ZDHHC8: variants seen among roughly 807,000 people sequenced by gnomAD.
The protein encoded by ZDHHC8 is zDHHC palmitoyltransferase 8.
Under a neutral mutation model 61.2 loss-of-function variants are expected in ZDHHC8, and 24 were observed. The ratio of observed to expected loss-of-function variants is 0.39; its 90% CI spans 0.28 to 0.55. ZDHHC8 has a LOEUF of 0.55. Ranked by LOEUF, ZDHHC8 falls within the 20% of genes least tolerant of loss-of-function variation. The pLI, the probability that ZDHHC8 is intolerant of heterozygous loss-of-function variation, is 0.60. For synonymous variants in ZDHHC8, 523 were observed against 492.5 expected, an observed-to-expected ratio of 1.06 and a Z score of -0.82; for missense variants, 935 against 1,102.1, an observed-to-expected ratio of 0.85 and a Z score of 2.15.
chr22:20,141,327 A>G lies in ZDHHC8; in HGVS notation c.1005A>G (p.Pro335=), dbSNP rs772945335. The G allele has an allele frequency of 1.9e-6, 3 of 1,612,420 alleles. No individual in the cohort carries two copies. Among genetic ancestry groups the G allele is most frequent in the Non-Finnish European group, 2.5e-6 (3 of 1,179,654 alleles). The change falls in exon 8 of 11, where the codon CCA becomes CCG. Residue 335 remains proline, a synonymous_variant. Transcript: ENST00000334554. ...TFSSDLQTPR[P]GSAESALSVQ... ...GCAGTGACCTGCAGACCCCGCGCCCAGGCAGTGCTGGTGAGGTTGGGGCAG... is the reference window on the plus strand; with the variant it reads ...GCAGTGACCTGCAGACCCCGCGCCCGGGCAGTGCTGGTGAGGTTGGGGCAG...
intron 1 of ZDHHC8, among the ~76,000 whole-genome samples, chr22:20,133,098 G>T (rs2050391672): frequency 6.6e-6 from 1 of 152,258 alleles, no homozygotes; most frequent in Admixed American, 6.5e-5. Context: ...GCTGAATCGG[G>T]TGCCCGTGGA....
intron 1 of ZDHHC8, among the ~76,000 whole-genome samples, chr22:20,135,456 A>G (rs896779550): frequency 1.3e-5 from 2 of 152,222 alleles, no homozygotes; most frequent in Non-Finnish European, 2.9e-5. Context: ...GCAGGCTGCC[A>G]GTGCCTGGGG....
chr22:20,132,066 C>A lies in ZDHHC8; in HGVS notation c.104+15C>A. On this transcript the variant is annotated intron_variant, in intron 1 of 10. Coordinates refer to ENST00000334554, the MANE Select transcript of ZDHHC8 (RefSeq NM_013373.4). ...TTCGTGTTCACGTGAGTCGGCGCCG[C>A]GTCTGGGGGCACGCGGGCAGCGATG... The A allele has an allele frequency of 7.9e-7, 1 of 1,271,942 alleles. No homozygotes were observed. The highest frequency in any genetic ancestry group is 1.8e-5 in the South Asian group (1 of 56,276). 78.8% of individuals were successfully genotyped at this position (1,271,942 alleles called of 1,614,324 possible).
rs1325592971 is a variant in ZDHHC8, at chr22:20,142,742, C to T, written c.1126-14C>T. ...TGGCAGGTGGGCAGTGGTGAGAATG[C>T]CTTCTCCCTACAGGTTCCAGGCCCT... is the stretch of plus-strand genomic sequence containing the variant. On this transcript the variant is annotated splice_polypyrimidine_tract_variant and intron_variant, in intron 9 of 10. Transcript: ENST00000334554. The T allele has an allele frequency of 6.2e-7, 1 of 1,611,826 alleles. No individual in the cohort carries two copies. The highest frequency in any genetic ancestry group is 8.5e-7 in the Non-Finnish European group (1 of 1,179,814).
At chr22:20,132,147 C>G (rs1357841888) in intron 1 of ZDHHC8, 96 bp downstream of exon 1, 1 of 771,930 alleles carries the variant, frequency 1.3e-6, no homozygotes. Context: ...CTGGCGGGGC[C>G]CCGGGCAGTG....
In ZDHHC8 at chr22:20,139,198, C is replaced by T. The variant is rs2050445727; in HGVS notation, c.109C>T (p.Pro37Ser). Reference sequence around the variant, plus strand: ...TGCCCCCACTGTCTACTGCAGGTGCCCGTGGTTGACACGAGCTGTGTCCCC... The same window carrying T: ...TGCCCCCACTGTCTACTGCAGGTGCTCGTGGTTGACACGAGCTGTGTCCCC... ...SSTLFFVFTC[P>S]WLTRAVSPAV... Residue 37 changes from proline (P) to serine (S), a missense_variant, in exon 2 of 11, where the codon CCG (proline) becomes TCG (serine). Pro to Ser is a moderately conservative substitution (Grantham distance 74). Around this residue, in one of 3 missense-constraint regions of ZDHHC8, gnomAD observed 199 missense variants for 334.0 expected, o/e 0.60. Transcript: ENST00000334554. 2 of 1,613,182 alleles carry T rather than the reference C, an allele frequency of 1.2e-6. No individual in the cohort carries two copies. The highest frequency in any genetic ancestry group is 1.7e-6 in the Non-Finnish European group (2 of 1,179,566).
Position 20,146,238 on chromosome 22 carries a change from T to C in ZDHHC8, c.*838T>C. The C allele has an allele frequency of 1.0e-6, 1 of 985,384 alleles. No homozygotes were observed. The highest frequency in any genetic ancestry group is 1.2e-6 in the Non-Finnish European group (1 of 829,894). 61.0% of individuals were successfully genotyped at this position (985,384 alleles called of 1,614,324 possible). ...AGCCCTCAGGCCCTCCCTGCCAAAC[T>C]GGAGAACCCCACCCCAAGGCATGCC... On this transcript the variant is annotated 3_prime_UTR_variant, in exon 11 of 11. Transcript: ENST00000334554.
At position 20,143,644 on chromosome 22, in the gene ZDHHC8, G is replaced by T; in HGVS notation, c.2014G>T (p.Gly672Cys). 6.2e-7 allele frequency: 1 copy of T among 1,606,888 alleles called. No homozygotes were observed. The stretch of plus-strand genomic sequence containing the variant: ...CTCACACAGGTCACCTGCACGCCAG[G>T]GCCTGCCCTCCCCGCCCGGCACTCC... ...SGSHRSPARQ[G>C]LPSPPGTPHS... The change falls in exon 10 of 11, where the codon GGC (glycine) becomes TGC (cysteine). Residue 672 changes from glycine (G) to cysteine (C), a missense_variant. Around this residue, in one of 3 missense-constraint regions of ZDHHC8, gnomAD observed 692 missense variants for 731.4 expected, o/e 0.95. Transcript: ENST00000334554.
rs1174283950 is a variant in ZDHHC8 at position 20,143,183 on chromosome 22, C to T, written c.1553C>T (p.Pro518Leu). The T allele has an allele frequency of 2.5e-6, 4 of 1,610,044 alleles. No homozygotes were observed. The highest frequency in any genetic ancestry group is 1.1e-5 in the South Asian group (1 of 91,042). The change falls in exon 10 of 11, where the codon CCA (proline) becomes CTA (leucine). Residue 518 changes from proline to leucine, a missense_variant. By Grantham distance (98) the Pro-to-Leu change is moderately conservative. Around this residue, in one of 3 missense-constraint regions of ZDHHC8, gnomAD observed 692 missense variants for 731.4 expected, o/e 0.95. Transcript: ENST00000334554. ...YLHPGATGDP[P>L]RPLPRSFSPV... ...CATCCTGGGGCAACGGGCGACCCGC[C>T]ACGGCCCCTACCCCGCAGCTTCAGC...
chr22:20,132,881 TCCAGGC>T (rs2050389183), intron 1 of ZDHHC8, among the ~76,000 whole-genome samples: 1 of 152,190 alleles, frequency 6.6e-6, no homozygotes, highest in Non-Finnish European at 1.5e-5. Flanking sequence ...GGTTGGGGGC[TCCAGGC>T]TTCGGTTGCA....
rs1240066205 is a variant in ZDHHC8 at position 20,143,586 on chromosome 22, C to T, written c.1956C>T (p.Ser652=). The change falls in exon 10 of 11, where the codon AGC becomes AGT. Residue 652 remains serine (S), a synonymous_variant. Coordinates refer to ENST00000334554, the MANE Select transcript of ZDHHC8 (RefSeq NM_013373.4). ...CCTCCCTGCAGGCTGATCAGGCCAG[C>T]AGCAACGCCCCGGGGCCCCGGCCCA... The part of the protein sequence containing the change: ...SSSSLQADQA[S]SNAPGPRPSS... 3.1e-6 allele frequency: 5 copies of T among 1,600,368 alleles called. No homozygotes were observed.
At position 20,147,295 on chromosome 22, in the gene ZDHHC8, C is replaced by T; in HGVS notation, c.*1895C>T. On this transcript the variant is annotated 3_prime_UTR_variant, in exon 11 of 11. Coordinates refer to ENST00000334554, the MANE Select transcript of ZDHHC8 (RefSeq NM_013373.4). The stretch of plus-strand genomic sequence containing the variant: ...CCAGCTGGGGACCCAGGAGGTCAGA[C>T]TGCAGTGGACCCTGGGGCAGGGCTG... 3 of 1,371,298 alleles carry T rather than the reference C, an allele frequency of 2.2e-6. No homozygotes were observed. Among genetic ancestry groups the T allele is most frequent in the Non-Finnish European group, 1.9e-6 (2 of 1,052,992 alleles). 84.9% of individuals were successfully genotyped at this position (1,371,298 alleles called of 1,614,324 possible). A position where few individuals can be genotyped will look rare whatever the true frequency, so the allele number is the denominator to read the frequency against.
intron 4 of ZDHHC8, 54 bp downstream of exon 4, chr22:20,139,946 G>A (rs780351362): frequency 8.7e-6 from 14 of 1,600,056 alleles, no homozygotes; most frequent in East Asian, 2.2e-5. Context: ...CCGGGGACAC[G>A]TTCACCAGGG....
At chr22:20,139,983 C>G in intron 4 of ZDHHC8, 91 bp downstream of exon 4, 3 of 1,593,168 alleles carry the variant, frequency 1.9e-6, no homozygotes, top group Non-Finnish European at 2.6e-6. Flanking sequence ...GGCTTGGTTC[C>G]TGCCCAGGGA....
At chr22:20,135,332 G>A (rs2050410557) in intron 1 of ZDHHC8, among the ~76,000 whole-genome samples, 3 of 152,100 alleles carry the variant, frequency 2.0e-5, no homozygotes, top group South Asian at 4.1e-4. Context: ...TCAGCTGCTG[G>A]CAGAGGGTTC....
At chr22:20,137,062 G>A (rs1262191299) in intron 1 of ZDHHC8, among the ~76,000 whole-genome samples, 6 of 152,238 alleles carry the variant, frequency 3.9e-5, no homozygotes, top group Non-Finnish European at 7.3e-5. Flanking sequence ...GGAGTGGGCA[G>A]CAGCTCAGGT....
At position 20,143,528 on chromosome 22, in the gene ZDHHC8, G is replaced by A; in HGVS notation, c.1898G>A (p.Ser633Asn). The A allele has an allele frequency of 6.3e-7, 1 of 1,598,986 alleles. No homozygotes were observed. The highest frequency in any genetic ancestry group is 8.5e-7 in the Non-Finnish European group (1 of 1,177,372). The change falls in exon 10 of 11, where the codon AGC (serine) becomes AAC (asparagine). Residue 633 changes from serine to asparagine, a missense_variant. Ser to Asn is a conservative substitution (Grantham distance 46). Coordinates refer to ENST00000334554, the MANE Select transcript of ZDHHC8 (RefSeq NM_013373.4). ...ALQTSLSSLSSSVSRAPRTSS... is the reference protein window; with the variant it reads ...ALQTSLSSLSNSVSRAPRTSS... ...CAGACGTCACTGTCCTCGCTGTCCA[G>A]CTCCGTGAGCCGTGCACCGCGGACG...
Position 20,143,197 on chromosome 22 carries a change from C to A in ZDHHC8, c.1567C>A (p.Arg523Ser). Residue 523 changes from arginine to serine, a missense_variant, in exon 10 of 11, where the codon CGC (arginine) becomes AGC (serine). This residue lies in a region of ZDHHC8 where 692 missense variants were observed against 731.4 expected (regional missense o/e 0.95). Transcript: ENST00000334554. ...ATGDPPRPLP[R>S]SFSPVLGPRP... ...GGGCGACCCGCCACGGCCCCTACCC[C>A]GCAGCTTCAGCCCCGTGCTGGGCCC... 1 of 1,609,378 alleles carries A rather than the reference C, an allele frequency of 6.2e-7. No individual in the cohort carries two copies.
chr22:20,146,746 G>A lies in ZDHHC8; in HGVS notation c.*1346G>A, dbSNP rs1010334449. 3.2e-5 allele frequency: 38 copies of A among 1,203,358 alleles called. No individual in the cohort carries two copies. Among genetic ancestry groups the A allele is most frequent in the Middle Eastern group, 3.3e-4 (1 of 3,066 alleles). 74.5% of individuals were successfully genotyped at this position (1,203,358 alleles called of 1,614,324 possible). A position where few individuals can be genotyped will look rare whatever the true frequency, so the allele number is the denominator to read the frequency against. Reference sequence around the variant, plus strand: ...CTTGGGTCTGCCGCTACCCACAGGGGACTCTCAGGAACCCGAGAGCTTGGG... The same window carrying A: ...CTTGGGTCTGCCGCTACCCACAGGGAACTCTCAGGAACCCGAGAGCTTGGG... On this transcript the variant is annotated 3_prime_UTR_variant, in exon 11 of 11. Transcript: ENST00000334554.
Sources: allele counts gnomAD v4.1 joint callset (sites outside exome capture counted in the v4.1 genomes callset), GRCh38; gene constraint gnomAD v4.1.1; regional missense constraint gnomAD v4.1.1; transcripts MANE v1.5; gene names NCBI Gene and HGNC (gene_info 2026-07-23, HGNC 2026-07-21).